Variants in HSD17B3 observed in about 807,000 individuals in gnomAD.
The protein encoded by HSD17B3 is hydroxysteroid 17-beta dehydrogenase 3, also known as 17-beta-hydroxysteroid dehydrogenase type 3.
HSD17B3 carries 29 observed loss-of-function variants against 41.1 expected under a neutral mutation model. The observed-to-expected ratio is 0.71, with a 90% CI of 0.53 to 0.96. HSD17B3 has a LOEUF of 0.96. HSD17B3 is among the 40% of genes least tolerant of loss of function. The pLI is 0.00. For missense variants in HSD17B3, 323 were observed against 374.6 expected, an observed-to-expected ratio of 0.86 and a Z score of 1.14; for synonymous variants, 126 against 145.6, an observed-to-expected ratio of 0.87 and a Z score of 0.97.
intron 9 of HSD17B3, 155 bp downstream of exon 9, chr9:96,244,174 C>G: frequency 1.2e-6 from 1 of 807,498 alleles, no homozygotes; most frequent in South Asian, 1.4e-5. Flanking sequence ...CACGTGGCAT[C>G]CCCAGCTCAT....
chr9:96,271,596 C>A (rs916367330), intron 2 of HSD17B3, among the ~76,000 whole-genome samples: 6 of 152,156 alleles, frequency 3.9e-5, no homozygotes, highest in African/African-American at 1.4e-4. Context: ...CAAGTCAAAG[C>A]AGATATGTGT....
At chr9:96,299,536 C>T (rs1052599113) in intron 1 of HSD17B3, among the ~76,000 whole-genome samples, 1 of 152,172 alleles carries the variant, frequency 6.6e-6, no homozygotes, top group Non-Finnish European at 1.5e-5. Context: ...ATAACGGTCA[C>T]ACACTCACTT....
intron 2 of HSD17B3, among the ~76,000 whole-genome samples, chr9:96,290,711 G>A (rs1252325644): frequency 1.3e-5 from 2 of 151,834 alleles, no homozygotes; most frequent in Non-Finnish European, 2.9e-5. Flanking sequence ...GCGGGTGCCT[G>A]TAATCCCAGC....
chr9:96,264,896 G>A (rs928819723), intron 2 of HSD17B3, among the ~76,000 whole-genome samples: 2 of 152,088 alleles, frequency 1.3e-5, no homozygotes, highest in Admixed American at 1.3e-4. Flanking sequence ...CAATTAATAA[G>A]ACCAGAATCG....
chr9:96,243,016 G>A (rs926143147), intron 9 of HSD17B3, among the ~76,000 whole-genome samples: 6 of 152,186 alleles, frequency 3.9e-5, no homozygotes, highest in Non-Finnish European at 8.8e-5. Flanking sequence ...GTCAAAGCAG[G>A]ACCCACTAGA....
chr9:96,263,666 T>C (rs1345541362), intron 2 of HSD17B3, among the ~76,000 whole-genome samples: 1 of 151,876 alleles, frequency 6.6e-6, no homozygotes, highest in Non-Finnish European at 1.5e-5. Context: ...GAGGCAGAGC[T>C]TGCAGTGAGC....
At chr9:96,269,739 A>AGG (rs1488707029) in intron 2 of HSD17B3, among the ~76,000 whole-genome samples, 1 of 152,052 alleles carries the variant, frequency 6.6e-6, no homozygotes, top group Non-Finnish European at 1.5e-5. Context: ...CCCCGTCTCT[A>AGG]GTAAAAATAC....
In HSD17B3 at chr9:96,247,800, A is replaced by G. The variant is rs143395216; in HGVS notation, c.490-1210T>C. ...CGTGGGTCCCCGCCTCAAGGCTTCC[A>G]ATGTTCAGTTTCTTATTCCACCTTC... is the stretch of plus-strand genomic sequence containing the variant. On this transcript the variant is annotated intron_variant, in intron 6 of 10. Transcript: ENST00000375263. Among the ~76,000 whole-genome samples, 1,458 of 152,230 alleles carry G rather than the reference A, an allele frequency of 9.6e-3. 13 individuals carry two copies. Among genetic ancestry groups the G allele is most frequent in the Non-Finnish European group, 0.013 (911 of 68,016 alleles).
At chr9:96,246,856 T>C (rs765875098) in intron 6 of HSD17B3, among the ~76,000 whole-genome samples, 12 of 151,944 alleles carry the variant, frequency 7.9e-5, no homozygotes, top group Admixed American at 2.0e-4. Flanking sequence ...TCCTGGAAAA[T>C]GAGGGCAGTG....
At chr9:96,246,955 T>C (rs1836690702) in intron 6 of HSD17B3, among the ~76,000 whole-genome samples, 1 of 152,186 alleles carries the variant, frequency 6.6e-6, no homozygotes, top group Non-Finnish European at 1.5e-5. Flanking sequence ...AAAAGTGGAC[T>C]GGCCATGAGT....
chr9:96,249,804 A>C lies in HSD17B3; in HGVS notation c.454-18T>G. 1 of 1,614,138 alleles carries C rather than the reference A, an allele frequency of 6.2e-7. No individual in the cohort carries two copies. The highest frequency in any genetic ancestry group is 1.1e-5 in the South Asian group (1 of 91,084). The stretch of plus-strand genomic sequence containing the variant: ...ATGAGGCTCTGTAATAAATAATCAC[A>C]ACCACACATCAGCCGGATGATTAGA... On this transcript the variant is annotated intron_variant, in intron 5 of 10. Transcript: ENST00000375263.
chr9:96,293,516 T>TCTCTCCTCTCCCTCTCCCTCCCTTC (rs537799954), intron 2 of HSD17B3, among the ~76,000 whole-genome samples: 5,200 of 150,602 alleles, frequency 0.035, 326 homozygotes, highest in African/African-American at 0.12. Flanking sequence ...AATCAACCTT[T>TCTCTCCTCTCCCTCTCCCTCCCTTC]CTCTCCTCTC....
At chr9:96,277,003 C>G (rs538614712) in intron 2 of HSD17B3, among the ~76,000 whole-genome samples, 1 of 152,078 alleles carries the variant, frequency 6.6e-6, no homozygotes, top group African/African-American at 2.4e-5. Context: ...AGATCGAGAC[C>G]ATCCTGGCTA....
rs35688278 is a variant in HSD17B3 at position 96,252,963 on chromosome 9, G to A, written c.278-53C>T. ...TGAACAGGGATCCAAATGCCCCCTC[G>A]CCCATGAAGTTTCCCCCAGTGCTCC... is the stretch of plus-strand genomic sequence containing the variant. On this transcript the variant is annotated intron_variant, in intron 3 of 10. Coordinates refer to ENST00000375263, the MANE Select transcript of HSD17B3 (RefSeq NM_000197.2). 1.5e-3 allele frequency: 1,679 copies of A among 1,129,214 alleles called. 44 individuals are homozygous for A. In the East Asian group the frequency reaches 0.038, roughly 25 times the overall value. 69.9% of individuals were successfully genotyped at this position (1,129,214 alleles called of 1,614,324 possible). A position where few individuals can be genotyped will look rare whatever the true frequency, so the allele number is the denominator to read the frequency against.
At chr9:96,255,363 A>ATTTTT (rs1825595207) in intron 2 of HSD17B3, among the ~76,000 whole-genome samples, 3 of 46,352 alleles carry the variant, frequency 6.5e-5, no homozygotes, top group South Asian at 7.7e-4. Context: ...CTGCCCCAAC[A>ATTTTT]TTTCTTTTTT....
At position 96,255,367 on chromosome 9, in the gene HSD17B3, C is replaced by CTTTTTTTTTTTTTTTTTTTTT. The variant is rs869145717; in HGVS notation, c.202-445_202-425dup. On this transcript the variant is annotated intron_variant, in intron 2 of 10. Coordinates refer to ENST00000375263, the MANE Select transcript of HSD17B3 (RefSeq NM_000197.2). ...AAGCAGTGTTTCTGCCCCAACATTTCTTTTTTTTTTTTTTTTTTTTTTTTT... is the reference window on the plus strand; with the variant it reads ...AAGCAGTGTTTCTGCCCCAACATTTCTTTTTTTTTTTTTTTTTTTTTTTTTTTTTTTTTTTTTTTTTTTTTT... Among the ~76,000 whole-genome samples, 21 of 54,566 alleles carry CTTTTTTTTTTTTTTTTTTTTT rather than the reference C, an allele frequency of 3.8e-4. 4 individuals carry two copies. The highest frequency in any genetic ancestry group is 9.3e-4 in the South Asian group (1 of 1,070). 35.8% of individuals were successfully genotyped at this position (54,566 alleles called of 152,430 possible). A position where few individuals can be genotyped will look rare whatever the true frequency, so the allele number is the denominator to read the frequency against.
At chr9:96,242,461 A>G (rs929712005) in intron 9 of HSD17B3, among the ~76,000 whole-genome samples, 3 of 152,218 alleles carry the variant, frequency 2.0e-5, no homozygotes, top group African/African-American at 7.2e-5. Flanking sequence ...CACAGAGTTT[A>G]AACAAGCTGA....
intron 2 of HSD17B3, among the ~76,000 whole-genome samples, chr9:96,290,791 G>A (rs756802646): frequency 1.3e-4 from 20 of 151,714 alleles, no homozygotes; most frequent in Admixed American, 2.6e-4. Flanking sequence ...CCGAGATCGC[G>A]CCACTGCACT....
intron 2 of HSD17B3, among the ~76,000 whole-genome samples, chr9:96,293,094 A>C (rs1827215115): frequency 1.3e-5 from 2 of 152,252 alleles, no homozygotes; most frequent in African/African-American, 4.8e-5. Flanking sequence ...GGACATTGGG[A>C]AGAAAGAAAG....
Sources: allele counts gnomAD v4.1 joint callset (sites outside exome capture counted in the v4.1 genomes callset), GRCh38; gene constraint gnomAD v4.1.1; transcripts MANE v1.5; gene names NCBI Gene and HGNC (gene_info 2026-07-23, HGNC 2026-07-21).